The following SBNO1 variants were observed in gnomAD, a reference collection of about 807,000 sequenced individuals.
The protein encoded by SBNO1 is strawberry notch homolog 1.
Under a neutral mutation model 173.6 loss-of-function variants are expected in SBNO1, and 23 were observed. That is an observed-to-expected ratio of 0.13 (90% confidence interval 0.10 to 0.19). The LOEUF is 0.19. Ranked by LOEUF, SBNO1 falls within the 10% of genes least tolerant of loss-of-function variation. The pLI is 1.00. For synonymous variants in SBNO1, 632 were observed against 571.5 expected (o/e 1.11, Z -1.51); for missense variants, 1,238 against 1,671.2 (o/e 0.74, Z 4.52).
At chr12:123,331,202 T>C in intron 8 of SBNO1, 40 bp downstream of exon 8, 1 of 1,603,816 alleles carries the variant, frequency 6.2e-7, no homozygotes, top group Admixed American at 1.7e-5. Flanking sequence ...AACCTCGTGA[T>C]CCGCTGCGCC....
chr12:123,361,073 G>C (rs921128468), intron 1 of SBNO1, among the ~76,000 whole-genome samples: 19 of 152,076 alleles, frequency 1.2e-4, no homozygotes, highest in African/African-American at 4.3e-4. Context: ...GTAAAACCTC[G>C]TCTCTGCTAA....
intron 6 of SBNO1, 60 bp downstream of exon 6, chr12:123,336,335 G>T: frequency 1.2e-5 from 13 of 1,084,440 alleles, no homozygotes; most frequent in Non-Finnish European, 1.5e-5. Flanking sequence ...AAAACAAAAA[G>T]AACCAAAGAA....
chr12:123,319,188 A>C (rs555136059), intron 20 of SBNO1, among the ~76,000 whole-genome samples: 1 of 151,936 alleles, frequency 6.6e-6, no homozygotes, highest in Admixed American at 6.6e-5. Flanking sequence ...CCTGGTCTTG[A>C]ACTCCTGACC....
intron 17 of SBNO1, among the ~76,000 whole-genome samples, 162 bp downstream of exon 17, chr12:123,321,373 G>A (rs1318721384): frequency 6.6e-6 from 1 of 152,228 alleles, no homozygotes; most frequent in Middle Eastern, 3.4e-3. Flanking sequence ...CATATATGAG[G>A]CTCAAACTTC....
chr12:123,328,863 A>G lies in SBNO1; in HGVS notation c.1167T>C (p.Asn389=), dbSNP rs1283947251. 1 of 1,584,622 alleles carries G rather than the reference A, an allele frequency of 6.3e-7. No homozygotes were observed. The highest frequency in any genetic ancestry group is 1.4e-5 in the African/African-American group (1 of 73,764). ...AAATAACACCCTTTTTCACACTCCC[A>G]TTATGTTTGGAAGAAATTTTTCCGT... ...FKYGKISSKH[N]GSVKKGVIFA... is the part of the protein sequence containing the mutation. The change falls in exon 10 of 32, where the codon AAT becomes AAC. Residue 389 remains asparagine, a synonymous_variant. Transcript: ENST00000602398.
intron 3 of SBNO1, among the ~76,000 whole-genome samples, chr12:123,347,077 C>CAAAA (rs397957462): frequency 9.1e-6 from 1 of 109,688 alleles, no homozygotes; most frequent in Non-Finnish European, 1.7e-5. Flanking sequence ...GTCTCCGTCT[C>CAAAA]AAAAAAAAAA....
intron 13 of SBNO1, 21 bp from the exon 14 acceptor site, chr12:123,326,355 T>C: frequency 6.6e-7 from 1 of 1,509,416 alleles, no homozygotes; most frequent in East Asian, 2.3e-5. Context: ...ATAATCAACA[T>C]TTCAGACACT....
intron 1 of SBNO1, among the ~76,000 whole-genome samples, chr12:123,360,656 G>A (rs1332538871): frequency 6.6e-6 from 1 of 151,920 alleles, no homozygotes. Context: ...TGTTAGCCAG[G>A]ATGGTATGGA....
intron 5 of SBNO1, among the ~76,000 whole-genome samples, chr12:123,337,651 T>C (rs984113149): frequency 6.6e-6 from 1 of 152,124 alleles, no homozygotes; most frequent in Non-Finnish European, 1.5e-5. Context: ...TATGCTAAAA[T>C]AAAACTCAAT....
At chr12:123,304,404 T>C (rs2138895076) in intron 29 of SBNO1, 178 bp downstream of exon 29, 6 of 474,036 alleles carry the variant, frequency 1.3e-5, no homozygotes, top group South Asian at 1.1e-4. Flanking sequence ...TGGGATAATA[T>C]TTTGCATTTT....
chr12:123,321,867 CAG>C (rs953556560), intron 16 of SBNO1, 135 bp from the exon 17 acceptor site: 68 of 713,026 alleles, frequency 9.5e-5, no homozygotes, highest in Admixed American at 2.0e-4. Context: ...AAAAAACAAA[CAG>C]AATTCACAAA....
At chr12:123,341,310 G>A (rs1421330634) in intron 4 of SBNO1, among the ~76,000 whole-genome samples, 1 of 151,946 alleles carries the variant, frequency 6.6e-6, no homozygotes, top group Non-Finnish European at 1.5e-5. Flanking sequence ...CAAGCTGGGC[G>A]TGGTGGCGGG....
rs190033321 is a variant in SBNO1 at position 123,290,328 on chromosome 12, T to C, written c.*5580A>G. 3 of 152,230 alleles carry C rather than the reference T, an allele frequency of 2.0e-5. No individual in the cohort carries two copies. The highest frequency in any genetic ancestry group is 4.4e-5 in the Non-Finnish European group (3 of 68,002). The allele number at this position is 152,230 out of a possible 1,614,324, so 9.4% of individuals were successfully genotyped here. On this transcript the variant is annotated 3_prime_UTR_variant, in exon 32 of 32. Coordinates refer to ENST00000602398, the MANE Select transcript of SBNO1 (RefSeq NM_001167856.3). ...ACATTTTTCACCAAGTCTACCAAGT[T>C]GAATAGTAATGAATGAAACTTGTAC...
chr12:123,350,270 C>G, intron 2 of SBNO1, 40 bp downstream of exon 2: 1 of 1,608,160 alleles, frequency 6.2e-7, no homozygotes, highest in African/African-American at 1.3e-5. Context: ...ATACTGTAAG[C>G]GGAAATCACT....
In SBNO1 at chr12:123,320,792, T is replaced by C. The variant is rs1869865378; in HGVS notation, c.2398A>G (p.Ile800Val). 2 of 1,608,922 alleles carry C rather than the reference T, an allele frequency of 1.2e-6. No individual in the cohort carries two copies. The highest frequency in any genetic ancestry group is 1.3e-5 in the African/African-American group (1 of 74,794). The change falls in exon 18 of 32, where the codon ATT becomes GTT. Residue 800 changes from isoleucine to valine, a missense_variant. This residue lies in a region of SBNO1 where 5 missense variants were observed against 18.6 expected (regional missense o/e 0.27). Transcript: ENST00000602398. Reference protein sequence around the residue: ...KKKKSIDPDSIQSALLASGLG... With the variant: ...KKKKSIDPDSVQSALLASGLG... ...CCTGATGCTAATAAGGCACTTTGAA[T>C]AGAATCTGGATCTATACTTTTCTTC... is the stretch of plus-strand genomic sequence containing the variant.
chr12:123,339,724 T>C (rs747714082), intron 5 of SBNO1, among the ~76,000 whole-genome samples: 3 of 151,978 alleles, frequency 2.0e-5, no homozygotes, highest in Non-Finnish European at 2.9e-5. Flanking sequence ...GAGGCGGAGA[T>C]TGCAGTGAGC....
chr12:123,315,013 G>C (rs1176482896), intron 23 of SBNO1, among the ~76,000 whole-genome samples: 1 of 151,978 alleles, frequency 6.6e-6, no homozygotes, highest in Non-Finnish European at 1.5e-5. Context: ...AAAGTGCTGG[G>C]ATTACAGACA....
chr12:123,331,025 C>T (rs958180515), intron 8 of SBNO1, among the ~76,000 whole-genome samples: 4 of 152,110 alleles, frequency 2.6e-5, no homozygotes, highest in African/African-American at 9.7e-5. Flanking sequence ...TGCAGAGGAA[C>T]AATGTCGGCT....
At chr12:123,330,398 C>T in intron 9 of SBNO1, 21 bp downstream of exon 9, 2 of 1,341,446 alleles carry the variant, frequency 1.5e-6, no homozygotes, top group Non-Finnish European at 2.1e-6. Context: ...GAATGACCAA[C>T]TGAATAAAAA....
Sources: gnomAD v4.1 joint callset for allele counts (sites outside exome capture counted in the v4.1 genomes callset) on GRCh38, gnomAD v4.1.1 for gene constraint, gnomAD v4.1.1 regional missense constraint, MANE v1.5 for transcripts, NCBI Gene and HGNC (gene_info 2026-07-23, HGNC 2026-07-21) for gene names.